The following VCL variants were observed in gnomAD, a reference collection of about 807,000 sequenced individuals.
VCL encodes the protein epididymis luminal protein 114.
In VCL, 47 loss-of-function variants were observed where a neutral mutation model predicts 125.7. The ratio of observed to expected loss-of-function variants is 0.37; its 90% CI spans 0.30 to 0.48. The LOEUF is 0.48. Ranked by LOEUF, VCL falls within the 20% of genes least tolerant of loss-of-function variation. VCL has a pLI of 0.99. For missense variants in VCL, 1,069 were observed against 1,455.5 expected, an observed-to-expected ratio of 0.73 and a Z score of 4.32; for synonymous variants, 458 against 514.6, an observed-to-expected ratio of 0.89 and a Z score of 1.49.
At chr10:74,120,879 C>T (rs958556703), downstream of VCL, 2 of 152,148 alleles carry the variant, frequency 1.3e-5, no homozygotes, top group Non-Finnish European at 2.9e-5. Context: ...TTCAGGGATC[C>T]ACCAGGGCTA....
intron 16 of VCL, among the ~76,000 whole-genome samples, chr10:74,105,911 GC>G (rs1261195911): frequency 4.0e-5 from 5 of 125,678 alleles, no homozygotes; most frequent in African/African-American, 1.6e-4. Flanking sequence ...CAACCTCTGC[GC>G]TTTTTTTTTT....
At chr10:74,010,256 A>G (rs988657494) in intron 1 of VCL, among the ~76,000 whole-genome samples, 1 of 152,162 alleles carries the variant, frequency 6.6e-6, no homozygotes, top group African/African-American at 2.4e-5. Flanking sequence ...TTACAAAAAG[A>G]TTTATTAGGG....
intron 15 of VCL, 130 bp from the exon 16 acceptor site, chr10:74,104,921 G>T: frequency 9.6e-7 from 1 of 1,044,328 alleles, no homozygotes; most frequent in Non-Finnish European, 1.4e-6. Context: ...GATTATGTAG[G>T]AAGAGTTTGA....
intron 2 of VCL, among the ~76,000 whole-genome samples, chr10:74,056,349 T>C (rs996477430): frequency 1.3e-5 from 2 of 152,126 alleles, no homozygotes; most frequent in Non-Finnish European, 2.9e-5. Context: ...TGAGATATAA[T>C]TGACAAATGG....
intron 2 of VCL, among the ~76,000 whole-genome samples, chr10:74,061,951 G>A (rs1841487350): frequency 6.8e-6 from 1 of 147,816 alleles, no homozygotes; most frequent in Non-Finnish European, 1.5e-5. Context: ...GGTCACTCAG[G>A]ATGGAGTGCA....
At chr10:74,084,479 G>A (rs1839735453) in intron 8 of VCL, among the ~76,000 whole-genome samples, 2 of 151,614 alleles carry the variant, frequency 1.3e-5, no homozygotes, top group South Asian at 4.2e-4. Flanking sequence ...TTTTAGTAGA[G>A]ACAGGGTTTT....
At position 74,072,769 on chromosome 10, in the gene VCL, A is replaced by C; in HGVS notation, c.539A>C (p.Gln180Pro). The C allele has an allele frequency of 6.2e-7, 1 of 1,614,124 alleles. No homozygotes were observed. Among genetic ancestry groups the C allele is most frequent in the Non-Finnish European group, 8.5e-7 (1 of 1,179,998 alleles). Residue 180 changes from glutamine (Q) to proline (P), a missense_variant, in exon 5 of 22, where the codon CAG becomes CCG. Around this residue, in one of 6 missense-constraint regions of VCL, gnomAD observed 760 missense variants for 928.9 expected, o/e 0.82. Coordinates refer to ENST00000211998, the MANE Select transcript of VCL (RefSeq NM_014000.3). ...KMAKMIDERQ[Q>P]ELTHQEHRVM... ...GCCAAGATGATTGACGAGAGACAGC[A>C]GGAGCTCACTCACCAGGAGCACCGA...
chr10:74,094,952 AAG>A (rs1839942903), intron 11 of VCL, among the ~76,000 whole-genome samples: 1 of 152,164 alleles, frequency 6.6e-6, no homozygotes, highest in South Asian at 2.1e-4. Context: ...CAAAACAAAA[AAG>A]AACAAAATTC....
intron 17 of VCL, among the ~76,000 whole-genome samples, chr10:74,108,533 G>A (rs959135178): frequency 2.6e-5 from 4 of 151,612 alleles, no homozygotes; most frequent in Admixed American, 6.6e-5. Context: ...AGGCTGGAGC[G>A]CAGTGGCATG....
intron 14 of VCL, among the ~76,000 whole-genome samples, chr10:74,101,571 C>A (rs564812274): frequency 4.0e-5 from 4 of 99,452 alleles, no homozygotes; most frequent in South Asian, 3.0e-4. Context: ...TTTTTTGAGA[C>A]GGAGTCTCGC....
chr10:74,046,205 C>G (rs1337797643), intron 2 of VCL, among the ~76,000 whole-genome samples: 1 of 152,082 alleles, frequency 6.6e-6, no homozygotes, highest in Non-Finnish European at 1.5e-5. Context: ...GAGCTCTGAT[C>G]AACATGAGCC....
intron 14 of VCL, among the ~76,000 whole-genome samples, chr10:74,102,793 G>A (rs1008815496): frequency 1.3e-5 from 2 of 151,674 alleles, no homozygotes; most frequent in Admixed American, 6.6e-5. Flanking sequence ...AGGAGGAACA[G>A]GAATCTAGGC....
At chr10:74,022,141 C>T (rs995108543) in intron 1 of VCL, among the ~76,000 whole-genome samples, 13 of 152,130 alleles carry the variant, frequency 8.5e-5, no homozygotes, top group African/African-American at 3.1e-4. Flanking sequence ...AGTCAGCAAA[C>T]TATAGCCTGT....
At chr10:74,086,600 T>C (rs1020659187) in intron 8 of VCL, among the ~76,000 whole-genome samples, 9 of 152,252 alleles carry the variant, frequency 5.9e-5, no homozygotes, top group African/African-American at 2.2e-4. Context: ...GGTAGCCAGT[T>C]TTCACTTGGA....
chr10:74,111,813 G>A, intron 18 of VCL, 96 bp from the exon 19 acceptor site: 7 of 1,473,242 alleles, frequency 4.8e-6, no homozygotes, highest in Non-Finnish European at 2.8e-6. Context: ...TCCTAGGCAG[G>A]CTTTGGTTAC....
chr10:74,013,588 A>G (rs1169170381), intron 1 of VCL, among the ~76,000 whole-genome samples: 1 of 152,004 alleles, frequency 6.6e-6, no homozygotes, highest in East Asian at 1.9e-4. Context: ...TTTGGGAAGC[A>G]GTACAGTAGT....
chr10:74,117,732 TG>T (rs1840332507), intron 21 of VCL, among the ~76,000 whole-genome samples: 2 of 152,154 alleles, frequency 1.3e-5, no homozygotes, highest in African/African-American at 4.8e-5. Flanking sequence ...CTGGGATCCC[TG>T]GGGAAAGAGC....
rs370334093 is a variant in VCL, at chr10:74,072,801, T to C, written c.571T>C (p.Leu191=). ...ELTHQEHRVM[L]VNSMNTVKEL... is the part of the protein sequence containing the mutation. ...CACTCACCAGGAGCACCGAGTGATGTTGGTGAACTCGATGAACACCGTGAA... is the reference window on the plus strand; with the variant it reads ...CACTCACCAGGAGCACCGAGTGATGCTGGTGAACTCGATGAACACCGTGAA... Residue 191 remains leucine (L), a synonymous_variant, in exon 5 of 22, where the codon TTG becomes CTG. Transcript: ENST00000211998. 84 of 1,614,182 alleles carry C rather than the reference T, an allele frequency of 5.2e-5. No homozygotes were observed. In the African/African-American group the frequency reaches 6.3e-4, roughly 12 times the overall value.
chr10:74,120,952 T>C (rs559980635), downstream of VCL: 1 of 152,200 alleles, frequency 6.6e-6, no homozygotes, highest in East Asian at 1.9e-4. Context: ...CTGACTAAAA[T>C]AGTAGGAGCA....
Sources: allele counts gnomAD v4.1 joint callset (sites outside exome capture counted in the v4.1 genomes callset), GRCh38; gene constraint gnomAD v4.1.1; regional missense constraint gnomAD v4.1.1; transcripts MANE v1.5; gene names NCBI Gene and HGNC (gene_info 2026-07-23, HGNC 2026-07-21).